Variants in PPP1R12C observed in about 807,000 individuals in gnomAD.
The protein encoded by PPP1R12C is leukocyte receptor cluster (LRC) encoded novel gene 3.
Under a neutral mutation model 95.6 loss-of-function variants are expected in PPP1R12C, and 48 were observed. That is an observed-to-expected ratio of 0.50 (90% CI 0.40 to 0.64). The LOEUF is 0.64. Among genes scored for constraint, PPP1R12C ranks in the 30% least tolerant of loss-of-function variants. The pLI is 0.00. For synonymous variants in PPP1R12C, 480 were observed against 460.8 expected (o/e 1.04, Z -0.53); for missense variants, 1,057 against 1,083.3 (o/e 0.98, Z 0.34).
chr19:55,117,202 C>T (rs1170261546), intron 1 of PPP1R12C, 21 bp downstream of exon 1: 2 of 1,222,098 alleles, frequency 1.6e-6, no homozygotes, highest in Admixed American at 4.3e-5. Context: ...CCCCGGGAGA[C>T]GCCGGGCGGG....
At chr19:55,095,396 C>T (rs374538374) in intron 10 of PPP1R12C, 38 bp from the exon 11 acceptor site, 2 of 1,568,622 alleles carry the variant, frequency 1.3e-6, no homozygotes, top group African/African-American at 2.7e-5. Context: ...GGGCAGTTCC[C>T]TCGACTGGGC....
At chr19:55,098,272 G>A (rs530791715) in intron 6 of PPP1R12C, among the ~76,000 whole-genome samples, 1 of 152,230 alleles carries the variant, frequency 6.6e-6, no homozygotes, top group Non-Finnish European at 1.5e-5. Flanking sequence ...AGGAAACTGA[G>A]GCCCGGAAAG....
intron 3 of PPP1R12C, among the ~76,000 whole-genome samples, chr19:55,108,352 G>A (rs1163811407): frequency 6.6e-6 from 1 of 152,124 alleles, no homozygotes; most frequent in East Asian, 1.9e-4. Flanking sequence ...CCCTAGGTCA[G>A]GGACAATGGC....
intron 3 of PPP1R12C, among the ~76,000 whole-genome samples, chr19:55,108,727 GAC>G (rs940189921): frequency 2.6e-5 from 4 of 152,188 alleles, no homozygotes; most frequent in South Asian, 2.1e-4. Flanking sequence ...TTTGTTTTGA[GAC>G]ACAGTTTCCT....
Position 55,092,809 on chromosome 19 carries a change from C to CGACCT in PPP1R12C, c.1880_1884dup (p.Gly629ArgfsTer75). ...TCCGCAGGCCCCCTCCACTCCTTTC[C>CGACCT]GACCTTGCGGTGCTCCCTGGCCGCC... On this transcript the variant is annotated frameshift_variant, in exon 16 of 22. Transcript: ENST00000263433. LOFTEE classifies it high-confidence loss of function. 1 of 1,562,522 alleles carries CGACCT rather than the reference C, an allele frequency of 6.4e-7. No homozygotes were observed. Among genetic ancestry groups the CGACCT allele is most frequent in the Non-Finnish European group, 8.7e-7 (1 of 1,153,522 alleles).
chr19:55,095,028 G>T, intron 11 of PPP1R12C: 1 of 686,112 alleles, frequency 1.5e-6, no homozygotes, highest in Non-Finnish European at 2.5e-6. Context: ...AGAGCGGGAG[G>T]GTGTGCGTGT....
Position 55,094,383 on chromosome 19 carries a change from G to A in PPP1R12C, c.1645C>T (p.Arg549Cys), listed in dbSNP as rs2084884887. ...DEESESQRKARSRLMRQSRRS... is the reference protein window; with the variant it reads ...DEESESQRKACSRLMRQSRRS... Reference sequence around the variant, plus strand: ...CGAGACTGGCGCATGAGACGGGAGCGAGCTTTTCTCTGGGATTCCGACTCC... The same window carrying A: ...CGAGACTGGCGCATGAGACGGGAGCAAGCTTTTCTCTGGGATTCCGACTCC... The change falls in exon 13 of 22, where the codon CGC becomes TGC. Residue 549 changes from arginine (R) to cysteine (C), a missense_variant. Coordinates refer to ENST00000263433, the MANE Select transcript of PPP1R12C (RefSeq NM_017607.4). The A allele has an allele frequency of 6.2e-7, 1 of 1,613,616 alleles. No individual in the cohort carries two copies. Among genetic ancestry groups the A allele is most frequent in the Non-Finnish European group, 8.5e-7 (1 of 1,179,996 alleles).
At chr19:55,113,035 C>T (rs1367297812) in intron 1 of PPP1R12C, 4 of 590,742 alleles carry the variant, frequency 6.8e-6, no homozygotes, top group Non-Finnish European at 1.2e-5. Flanking sequence ...TATCTGCAAA[C>T]AGGAAGTGAA....
chr19:55,105,703 T>C (rs2085031101), intron 3 of PPP1R12C, among the ~76,000 whole-genome samples: 1 of 152,162 alleles, frequency 6.6e-6, no homozygotes, highest in African/African-American at 2.4e-5. Flanking sequence ...TCCCAGTACT[T>C]TGGGAGGCCA....
chr19:55,104,418 T>TG (rs1243886069), intron 3 of PPP1R12C, among the ~76,000 whole-genome samples: 1 of 151,348 alleles, frequency 6.6e-6, no homozygotes, highest in Admixed American at 6.6e-5. Flanking sequence ...AAGATTATAT[T>TG]GGGGGGTGGC....
chr19:55,091,720 T>A lies in PPP1R12C; in HGVS notation c.2212-20A>T. 1 of 1,613,160 alleles carries A rather than the reference T, an allele frequency of 6.2e-7. No individual in the cohort carries two copies. Among genetic ancestry groups the A allele is most frequent in the Non-Finnish European group, 8.5e-7 (1 of 1,179,846 alleles). On this transcript the variant is annotated intron_variant, in intron 20 of 21. Transcript: ENST00000263433. The stretch of plus-strand genomic sequence containing the variant: ...GCGCTCCTGGAATGAACAGGGAAAG[T>A]GCAGAAACTGAGTGAGGCTGAGGAG...
intron 6 of PPP1R12C, 81 bp downstream of exon 6, chr19:55,098,703 G>T: frequency 6.5e-7 from 1 of 1,548,670 alleles, no homozygotes; most frequent in South Asian, 1.1e-5. Flanking sequence ...GAAGTCGGGG[G>T]GGTTCCCCCT....
intron 1 of PPP1R12C, chr19:55,114,865 T>TGGGGGATGCAGGGGAA (rs1367154107): frequency 9.4e-5 from 13 of 138,340 alleles, no homozygotes; most frequent in Admixed American, 8.5e-4. Flanking sequence ...CTGGGGCCTC[T>TGGGGGATGCAGGGGAA]GGGGGATGCA....
intron 4 of PPP1R12C, 104 bp from the exon 5 acceptor site, chr19:55,099,199 A>G: frequency 3.8e-6 from 5 of 1,324,346 alleles, no homozygotes; most frequent in Non-Finnish European, 5.0e-6. Flanking sequence ...CACGAGACTG[A>G]AACGTCCCTG....
chr19:55,102,643 A>AAGG (rs146426292), intron 4 of PPP1R12C, among the ~76,000 whole-genome samples: 2,452 of 152,364 alleles, frequency 0.016, 51 homozygotes, highest in African/African-American at 0.055. Flanking sequence ...CACCTCTCAT[A>AAGG]GTAACTGACA....
intron 8 of PPP1R12C, 42 bp from the exon 9 acceptor site, chr19:55,095,982 T>A (rs756763967): frequency 1.2e-5 from 19 of 1,609,204 alleles, no homozygotes; most frequent in East Asian, 1.1e-4. Flanking sequence ...AAGATGCCAG[T>A]TGCCTCTAGA....
At chr19:55,096,476 C>T (rs2084914140) in intron 6 of PPP1R12C, 141 bp from the exon 7 acceptor site, 3 of 990,744 alleles carry the variant, frequency 3.0e-6, no homozygotes, top group Non-Finnish European at 4.6e-6. Flanking sequence ...CTACAGATGG[C>T]CACACACCTC....
At chr19:55,098,429 G>T (rs1192855479) in intron 6 of PPP1R12C, among the ~76,000 whole-genome samples, 1 of 152,236 alleles carries the variant, frequency 6.6e-6, no homozygotes, top group Non-Finnish European at 1.5e-5. Context: ...GACACCTTGT[G>T]GGTGACCAGC....
At chr19:55,107,674 G>T (rs2085053022) in intron 3 of PPP1R12C, among the ~76,000 whole-genome samples, 1 of 139,814 alleles carries the variant, frequency 7.2e-6, no homozygotes, top group African/African-American at 2.7e-5. Context: ...CACAGGAAGG[G>T]GAACATCACA....
Sources: allele counts gnomAD v4.1 joint callset (sites outside exome capture counted in the v4.1 genomes callset), GRCh38; gene constraint gnomAD v4.1.1; transcripts MANE v1.5; gene names NCBI Gene and HGNC (gene_info 2026-07-23, HGNC 2026-07-21).